PPP2R2B: variants seen among roughly 807,000 people sequenced by gnomAD.
The protein encoded by PPP2R2B is protein phosphatase 2 regulatory subunit Bbeta.
In PPP2R2B, 5 loss-of-function variants were observed where a neutral mutation model predicts 46.0. The ratio of observed to expected loss-of-function variants is 0.11; its 90% CI spans 0.06 to 0.23. PPP2R2B has a LOEUF of 0.23. PPP2R2B is among the 10% of genes least tolerant of loss of function. The pLI is 1.00. For synonymous variants in PPP2R2B, 215 were observed against 206.7 expected (o/e 1.04, Z -0.34); for missense variants, 367 against 575.0 (o/e 0.64, Z 3.70).
intron 2 of PPP2R2B, among the ~76,000 whole-genome samples, chr5:146,867,220 A>G (rs1439427853): frequency 6.6e-6 from 1 of 152,130 alleles, no homozygotes; most frequent in Non-Finnish European, 1.5e-5. Flanking sequence ...ATTCTGTAGT[A>G]AGATTGCTTC....
chr5:146,859,590 T>C (rs182451954), intron 2 of PPP2R2B, among the ~76,000 whole-genome samples: 2 of 152,204 alleles, frequency 1.3e-5, no homozygotes, highest in African/African-American at 2.4e-5. Flanking sequence ...CCTACACATG[T>C]ACTTCTAAAC....
intron 5 of PPP2R2B, among the ~76,000 whole-genome samples, chr5:146,663,609 T>C (rs781164571): frequency 1.3e-5 from 2 of 152,206 alleles, no homozygotes; most frequent in Non-Finnish European, 2.9e-5. Flanking sequence ...GCTTATACTA[T>C]ACTGTAGTCT....
At chr5:146,684,989 A>G (rs915419913) in intron 5 of PPP2R2B, among the ~76,000 whole-genome samples, 17 of 152,174 alleles carry the variant, frequency 1.1e-4, no homozygotes, top group Admixed American at 6.5e-4. Flanking sequence ...TGTTTCAGCC[A>G]CTTGTAACTT....
At chr5:146,963,350 T>C (rs1421388355) in intron 1 of PPP2R2B, among the ~76,000 whole-genome samples, 1 of 152,148 alleles carries the variant, frequency 6.6e-6, no homozygotes, top group Non-Finnish European at 1.5e-5. Flanking sequence ...GAGTTCCTCT[T>C]CTTAGCACCA....
At position 147,069,785 on chromosome 5, in the gene PPP2R2B, G is replaced by GTTTTTTTTTTTTTTTTTTTTTT. The variant is rs540998224; in HGVS notation, c.50+11252_50+11273dup. Among the ~76,000 whole-genome samples, 25 of 64,788 alleles carry GTTTTTTTTTTTTTTTTTTTTTT rather than the reference G, an allele frequency of 3.9e-4. 9 individuals are homozygous for GTTTTTTTTTTTTTTTTTTTTTT. The highest frequency in any genetic ancestry group is 1.7e-3 in the African/African-American group (22 of 13,260). 42.5% of individuals were successfully genotyped at this position (64,788 alleles called of 152,430 possible). ...CTCCCACATGAACACATTTTATACT[G>GTTTTTTTTTTTTTTTTTTTTTT]TTTTTTTTTTTTTTTTTTTTTTTGA... On this transcript the variant is annotated intron_variant, in intron 2 of 10. Transcript: ENST00000394413.
chr5:146,893,086 T>C (rs1188361874), intron 1 of PPP2R2B, among the ~76,000 whole-genome samples: 1 of 152,228 alleles, frequency 6.6e-6, no homozygotes, highest in Non-Finnish European at 1.5e-5. Flanking sequence ...CTGCCAAGAA[T>C]GTCTTTCCTG....
chr5:147,022,203 C>T (rs1221718786), intron 1 of PPP2R2B, among the ~76,000 whole-genome samples: 2 of 151,986 alleles, frequency 1.3e-5, no homozygotes, highest in African/African-American at 4.8e-5. Flanking sequence ...GAACATACTG[C>T]AATTGGAGTT....
chr5:146,657,549 T>G (rs191317928), intron 5 of PPP2R2B, among the ~76,000 whole-genome samples: 1 of 152,290 alleles, frequency 6.6e-6, no homozygotes, highest in Admixed American at 6.5e-5. Context: ...CACATTCTCC[T>G]TCCTAAAATC....
chr5:146,807,377 G>A (rs1456953764), intron 2 of PPP2R2B, among the ~76,000 whole-genome samples: 2 of 152,146 alleles, frequency 1.3e-5, no homozygotes. Context: ...TTCTGGCAGA[G>A]GAAAAGTTTG....
chr5:146,694,162 G>A (rs1779041619), intron 4 of PPP2R2B, among the ~76,000 whole-genome samples: 1 of 152,164 alleles, frequency 6.6e-6, no homozygotes, highest in African/African-American at 2.4e-5. Context: ...GCAAATAAGT[G>A]CCCCATTTTC....
rs772126528 is a variant in PPP2R2B at position 146,589,398 on chromosome 5, C to A, written c.*549G>T. 35 of 153,774 alleles carry A rather than the reference C, an allele frequency of 2.3e-4. 1 individual carries two copies. The highest frequency in any genetic ancestry group is 5.1e-4 in the Non-Finnish European group (35 of 69,084). 9.5% of individuals were successfully genotyped at this position (153,774 alleles called of 1,614,324 possible). On this transcript the variant is annotated 3_prime_UTR_variant, in exon 10 of 10. Transcript: ENST00000394411. ...CTCTTCTCAGCTTCATGCAATAAAT[C>A]TCTGGCTTAAATGAAATTGTTCAAA...
At chr5:146,645,154 C>T (rs974463003) in intron 6 of PPP2R2B, among the ~76,000 whole-genome samples, 2 of 152,160 alleles carry the variant, frequency 1.3e-5, no homozygotes, top group Non-Finnish European at 2.9e-5. Context: ...GTGAACACAG[C>T]GTATTTGTTT....
intron 1 of PPP2R2B, among the ~76,000 whole-genome samples, chr5:146,995,659 T>G: frequency 6.6e-6 from 1 of 152,346 alleles, no homozygotes; most frequent in East Asian, 1.9e-4. Flanking sequence ...TTTTGATGAC[T>G]TAGAAGAAAA....
intron 2 of PPP2R2B, among the ~76,000 whole-genome samples, chr5:146,834,408 T>C (rs763355671): frequency 6.6e-6 from 1 of 152,232 alleles, no homozygotes; most frequent in African/African-American, 2.4e-5. Flanking sequence ...AACACTCCTT[T>C]ACACTGCCTT....
chr5:146,795,844 G>T (rs1756497428), intron 2 of PPP2R2B, among the ~76,000 whole-genome samples: 1 of 152,096 alleles, frequency 6.6e-6, no homozygotes, highest in Non-Finnish European at 1.5e-5. Flanking sequence ...AAAAACAGAA[G>T]ATTCGATGGA....
intron 1 of PPP2R2B, among the ~76,000 whole-genome samples, chr5:147,009,266 G>A (rs750143371): frequency 3.9e-4 from 60 of 152,048 alleles, no homozygotes; most frequent in Non-Finnish European, 6.6e-4. Flanking sequence ...ATGTTTTGAT[G>A]TGCATTTTAA....
intron 2 of PPP2R2B, among the ~76,000 whole-genome samples, chr5:146,871,875 T>G (rs1176783612): frequency 6.6e-6 from 1 of 152,244 alleles, no homozygotes; most frequent in African/African-American, 2.4e-5. Flanking sequence ...TTGAAATTTC[T>G]TATTTTAAAA....
chr5:146,715,385 C>T (rs1032758473), intron 2 of PPP2R2B, among the ~76,000 whole-genome samples: 6 of 152,276 alleles, frequency 3.9e-5, no homozygotes, highest in African/African-American at 1.2e-4. Flanking sequence ...AAGAGAAACA[C>T]CAGCACTGCA....
intron 1 of PPP2R2B, among the ~76,000 whole-genome samples, chr5:147,046,710 T>C (rs542852642): frequency 6.6e-6 from 1 of 151,856 alleles, no homozygotes; most frequent in Admixed American, 6.5e-5. Flanking sequence ...CATTTTCAAC[T>C]AAATATTTCA....
Sources: allele counts gnomAD v4.1 joint callset (sites outside exome capture counted in the v4.1 genomes callset), GRCh38; gene constraint gnomAD v4.1.1; transcripts MANE v1.5; gene names NCBI Gene and HGNC (gene_info 2026-07-23, HGNC 2026-07-21).